Variants in NCR1 observed in about 807,000 individuals in gnomAD.
The protein encoded by NCR1 is NK cell-activating receptor.
In NCR1, 30 loss-of-function variants were observed where a neutral mutation model predicts 32.5. The observed-to-expected ratio is 0.92, with a 90% CI of 0.69 to 1.25. The LOEUF (loss-of-function observed/expected upper bound fraction) is 1.25. Ranked by LOEUF, NCR1 falls within the 50% of genes most tolerant of loss-of-function variation. The pLI is 0.00. For missense variants in NCR1, 369 were observed against 380.7 expected, an observed-to-expected ratio of 0.97 and a Z score of 0.26; for synonymous variants, 169 against 143.4, an observed-to-expected ratio of 1.18 and a Z score of -1.28.
chr19:54,935,628 G>C, the NCR1 span, among the ~76,000 whole-genome samples: 4 of 151,876 alleles, frequency 2.6e-5, no homozygotes, highest in Non-Finnish European at 5.9e-5. Flanking sequence ...AGGAGGCGGA[G>C]GTTGCAGTGA....
the NCR1 span, chr19:54,933,547 C>T: frequency 2.8e-5 from 45 of 1,613,594 alleles, no homozygotes; most frequent in Non-Finnish European, 3.7e-5. Flanking sequence ...TGCACACACA[C>T]ACACACCCAG....
chr19:54,914,570 C>T (rs1458391991), downstream of NCR1, among the ~76,000 whole-genome samples: 1 of 151,932 alleles, frequency 6.6e-6, no homozygotes, highest in Non-Finnish European at 1.5e-5. Context: ...AACTCCTGAC[C>T]TCAGGTGATC....
At chr19:54,931,805 G>A in the NCR1 span, among the ~76,000 whole-genome samples, 6 of 150,856 alleles carry the variant, frequency 4.0e-5, no homozygotes, top group Admixed American at 1.3e-4. Flanking sequence ...AGCCAAGATC[G>A]CACCACTGCA....
At chr19:54,901,955 AAG>A (rs1293544334), upstream of NCR1, among the ~76,000 whole-genome samples, 1 of 152,246 alleles carries the variant, frequency 6.6e-6, no homozygotes, top group Non-Finnish European at 1.5e-5. Context: ...GCTACAGAGC[AAG>A]ATTCCATCTC....
upstream of NCR1, among the ~76,000 whole-genome samples, chr19:54,901,383 A>G (rs1249862573): frequency 6.9e-6 from 1 of 144,416 alleles, no homozygotes; most frequent in Non-Finnish European, 1.5e-5. Flanking sequence ...AAAAAAAAAA[A>G]AGATTAGTAA....
At chr19:54,912,279 G>C in intron 6 of NCR1, 61 bp downstream of exon 6, 2 of 1,518,166 alleles carry the variant, frequency 1.3e-6, no homozygotes, top group South Asian at 2.2e-5. Context: ...AGTAGACCTA[G>C]GAAGGGAATC....
the NCR1 span, chr19:54,923,954 T>C: frequency 1.4e-6 from 2 of 1,478,158 alleles, no homozygotes; most frequent in Non-Finnish European, 1.9e-6. Flanking sequence ...TTTCAAACAC[T>C]CAAAGCAGGA....
the NCR1 span, among the ~76,000 whole-genome samples, chr19:54,926,205 G>GTTGT: frequency 3.5e-5 from 5 of 143,642 alleles, no homozygotes; most frequent in African/African-American, 1.2e-4. Flanking sequence ...AATGATTAGG[G>GTTGT]GTGTGTGTGT....
At chr19:54,903,309 T>C (rs2067336818), upstream of NCR1, among the ~76,000 whole-genome samples, 1 of 129,396 alleles carries the variant, frequency 7.7e-6, no homozygotes, top group Non-Finnish European at 1.6e-5. Context: ...TACGTATATG[T>C]ATACATACAT....
chr19:54,934,412 A>G, the NCR1 span: 2 of 1,468,890 alleles, frequency 1.4e-6, no homozygotes, highest in Admixed American at 1.7e-5. The surrounding 1 kb of genome is among the most constrained non-coding windows in gnomAD (Gnocchi z 6.7). Context: ...TGGGTGGCGC[A>G]GTAAGTCAGG....
At position 54,906,353 on chromosome 19, in the gene NCR1, G is replaced by T; in HGVS notation, c.70+19G>T. 1 of 1,612,560 alleles carries T rather than the reference G, an allele frequency of 6.2e-7. No individual in the cohort carries two copies. On this transcript the variant is annotated intron_variant, in intron 2 of 6. Coordinates refer to ENST00000291890, the MANE Select transcript of NCR1 (RefSeq NM_004829.7). ...CAGCAGCGTGAGTCCTTCCTTCAAA[G>T]CCCAGGGTCACTCTTCCGGATTCAG...
downstream of NCR1, among the ~76,000 whole-genome samples, chr19:54,917,802 A>G (rs1415700450): frequency 6.6e-6 from 1 of 152,296 alleles, no homozygotes; most frequent in East Asian, 1.9e-4. Context: ...GCAGCCCCAG[A>G]TGGCAGCAGC....
the NCR1 span, among the ~76,000 whole-genome samples, chr19:54,931,239 T>C: frequency 2.0e-5 from 3 of 152,002 alleles, no homozygotes; most frequent in African/African-American, 4.8e-5. Flanking sequence ...CTGGCCAACA[T>C]GGTGAAACCC....
the NCR1 span, among the ~76,000 whole-genome samples, chr19:54,935,602 A>AGGT: frequency 4.7e-5 from 1 of 21,350 alleles, no homozygotes; most frequent in Non-Finnish European, 1.0e-4. Context: ...AAGCTGAGGC[A>AGGT]GAACTGCTTG....
At chr19:54,925,384 C>T in the NCR1 span, among the ~76,000 whole-genome samples, 14 of 152,104 alleles carry the variant, frequency 9.2e-5, no homozygotes, top group Admixed American at 2.0e-4. Flanking sequence ...GAACTGCAGA[C>T]GTGTGAAAAA....
At chr19:54,922,480 C>A in the NCR1 span, among the ~76,000 whole-genome samples, 1 of 152,040 alleles carries the variant, frequency 6.6e-6, no homozygotes, top group East Asian at 1.9e-4. Flanking sequence ...CAGACTCACA[C>A]AGAAACAGAC....
chr19:54,922,103 G>C, the NCR1 span, among the ~76,000 whole-genome samples: 2 of 151,900 alleles, frequency 1.3e-5, no homozygotes, highest in African/African-American at 4.8e-5. Flanking sequence ...TCCATGTTGA[G>C]GCTGGTCTCG....
intron 6 of NCR1, among the ~76,000 whole-genome samples, 156 bp from the exon 7 acceptor site, chr19:54,912,534 G>A (rs772191357): frequency 1.4e-5 from 2 of 138,876 alleles, no homozygotes; most frequent in Non-Finnish European, 3.1e-5. Flanking sequence ...AGGAAGTGGA[G>A]GTTGCAGTGA....
chr19:54,930,475 A>G, the NCR1 span: 1 of 1,548,790 alleles, frequency 6.5e-7, no homozygotes, highest in Middle Eastern at 1.7e-4. Flanking sequence ...AAAAGAAAGA[A>G]AGAAGAAAAA....
Sources: allele counts gnomAD v4.1 joint callset (sites outside exome capture counted in the v4.1 genomes callset), GRCh38; gene constraint gnomAD v4.1.1; non-coding constraint Gnocchi (gnomAD v3.1); transcripts MANE v1.5; gene names NCBI Gene and HGNC (gene_info 2026-07-23, HGNC 2026-07-21).